The following QTRT2 variants were observed in gnomAD, a reference collection of about 807,000 sequenced individuals.
The protein encoded by QTRT2 is queuine tRNA-ribosyltransferase domain containing 1.
Under a neutral mutation model 44.8 loss-of-function variants are expected in QTRT2, and 32 were observed. The observed-to-expected ratio is 0.71, with a 90% CI of 0.54 to 0.96. QTRT2 has a LOEUF of 0.96. Ranked by LOEUF, QTRT2 falls within the 40% of genes least tolerant of loss-of-function variation. The pLI is 0.00. For missense variants in QTRT2, 461 were observed against 503.1 expected (o/e 0.92, Z 0.80); for synonymous variants, 182 against 187.4 (o/e 0.97, Z 0.24).
chr3:114,065,528 G>T, intron 3 of QTRT2, 71 bp downstream of exon 3: 1 of 1,171,926 alleles, frequency 8.5e-7, no homozygotes, highest in African/African-American at 1.6e-5. Context: ...GCAAAAAAGA[G>T]AAATATTTTT....
In QTRT2 at chr3:114,085,850, A is replaced by G. The variant is rs1361659163; in HGVS notation, c.1194A>G (p.Leu398=). ...TTTTCCATTACATCCGGGAAGCACT[A>G]AAAAGTGACAAACTGGCACAGTTGA... ...FGFFHYIREA[L]KSDKLAQLKE... Residue 398 remains leucine, a synonymous_variant, in exon 10 of 10, where the codon CTA becomes CTG. Transcript: ENST00000281273. The G allele has an allele frequency of 1.2e-6, 2 of 1,614,208 alleles. No individual in the cohort carries two copies. Among genetic ancestry groups the G allele is most frequent in the South Asian group, 1.1e-5 (1 of 91,082 alleles).
Position 114,085,692 on chromosome 3 carries a change from C to T in QTRT2, c.1036C>T (p.Pro346Ser), listed in dbSNP as rs1353055956. ...TCTTAGGTACCAGGAGGACTTTAAC[C>T]CGCTGGTGAGAGGATGTTCCTGTTA... ...KEKKYQEDFN[P>S]LVRGCSCYCC... The change falls in exon 10 of 10, where the codon CCG becomes TCG. Residue 346 changes from proline to serine, a missense_variant. Pro to Ser is a moderately conservative substitution (Grantham distance 74, BLOSUM62 -1). Transcript: ENST00000281273. 1.2e-6 allele frequency: 2 copies of T among 1,614,036 alleles called. No individual in the cohort carries two copies. Among genetic ancestry groups the T allele is most frequent in the Admixed American group, 3.3e-5 (2 of 59,998 alleles).
At chr3:114,079,792 T>G in intron 7 of QTRT2, 114 bp from the exon 8 acceptor site, 1 of 971,576 alleles carries the variant, frequency 1.0e-6, no homozygotes, top group Non-Finnish European at 1.6e-6. Flanking sequence ...ACTCTAACCA[T>G]GATTGGTGTT....
At position 114,070,830 on chromosome 3, in the gene QTRT2, G is replaced by A; in HGVS notation, c.538G>A (p.Glu180Lys). 4 of 1,613,598 alleles carry A rather than the reference G, an allele frequency of 2.5e-6. No individual in the cohort carries two copies. The highest frequency in any genetic ancestry group is 3.4e-6 in the Non-Finnish European group (4 of 1,179,874). ...GGATAACTGTCTGCGGCTGCAGGAA[G>A]AGTCAGAGGTAAGGCTGTGCCACTA... is the stretch of plus-strand genomic sequence containing the variant. Reference protein sequence around the residue: ...FLDNCLRLQEESEVLQKSVII... With the variant: ...FLDNCLRLQEKSEVLQKSVII... Residue 180 changes from glutamate to lysine, a missense_variant, in exon 6 of 10, where the codon GAG (glutamate) becomes AAG (lysine). Physicochemically the swap from Glu to Lys is moderately conservative, Grantham distance 56. Transcript: ENST00000281273.
rs1304756386 is a variant in QTRT2, at chr3:114,086,329, G to T, written c.*425G>T. 1 of 195,990 alleles carries T rather than the reference G, an allele frequency of 5.1e-6. No individual in the cohort carries two copies. Among genetic ancestry groups the T allele is most frequent in the Non-Finnish European group, 1.1e-5 (1 of 93,348 alleles). The allele number at this position is 195,990 out of a possible 1,614,324, so 12.1% of individuals were successfully genotyped here. On this transcript the variant is annotated 3_prime_UTR_variant, in exon 10 of 10. Transcript: ENST00000281273. ...GTTGATTTGAGAAGAAATCTGGCTG[G>T]TTTGAGGGTTTCCTTTAGTTCACCC... is the stretch of plus-strand genomic sequence containing the variant.
chr3:114,060,492 GTAGGTAGATAGATAGATAGA>G (rs1423605181), intron 2 of QTRT2, among the ~76,000 whole-genome samples: 16 of 137,076 alleles, frequency 1.2e-4, no homozygotes, highest in African/African-American at 2.5e-4. Context: ...AGGTAGGTAG[GTAGGTAGATAGATAGATAGA>G]TAGATAGATA....
At chr3:114,068,865 A>G (rs931949288) in intron 5 of QTRT2, among the ~76,000 whole-genome samples, 1 of 152,166 alleles carries the variant, frequency 6.6e-6, no homozygotes, top group East Asian at 1.9e-4. Context: ...CCTGTCCAAC[A>G]TGGCAAAACC....
At chr3:114,081,943 G>A (rs918818969) in intron 8 of QTRT2, among the ~76,000 whole-genome samples, 2 of 152,112 alleles carry the variant, frequency 1.3e-5, no homozygotes, top group Non-Finnish European at 2.9e-5. Flanking sequence ...ACTTGTCCCT[G>A]TTCCAGGCAG....
intron 6 of QTRT2, among the ~76,000 whole-genome samples, chr3:114,075,165 T>C (rs761604015): frequency 3.3e-5 from 5 of 152,242 alleles, no homozygotes; most frequent in Non-Finnish European, 5.9e-5. Flanking sequence ...TCAGGTTATG[T>C]ACGTACCATT....
At chr3:114,080,419 T>C (rs2077152372) in intron 8 of QTRT2, among the ~76,000 whole-genome samples, 1 of 152,270 alleles carries the variant, frequency 6.6e-6, no homozygotes, top group Admixed American at 6.5e-5. Flanking sequence ...TTTTTGTCTT[T>C]GCTTTGCAAA....
In QTRT2 at chr3:114,084,149, G is replaced by A. The variant is rs182096775; in HGVS notation, c.1016+1355G>A. ...ACGATCTTGGCTCACTGCAACCTCCGCCTCCTGGGTTCAGGCGATTCTCCT... is the reference window on the plus strand; with the variant it reads ...ACGATCTTGGCTCACTGCAACCTCCACCTCCTGGGTTCAGGCGATTCTCCT... On this transcript the variant is annotated intron_variant, in intron 9 of 9. Coordinates refer to ENST00000281273, the MANE Select transcript of QTRT2 (RefSeq NM_024638.4). Among the ~76,000 whole-genome samples the A allele has an allele frequency of 7.2e-3, 1,081 of 149,618 alleles. 9 individuals are homozygous for A. The highest frequency in any genetic ancestry group is 0.024 in the Middle Eastern group (7 of 290).
At chr3:114,067,004 A>C (rs2076962484) in intron 4 of QTRT2, among the ~76,000 whole-genome samples, 1 of 152,228 alleles carries the variant, frequency 6.6e-6, no homozygotes, top group Admixed American at 6.5e-5. Context: ...CTAGAACATC[A>C]GTTCTTCTAT....
chr3:114,066,873 G>A (rs761031345), intron 4 of QTRT2, among the ~76,000 whole-genome samples: 1 of 152,152 alleles, frequency 6.6e-6, no homozygotes, highest in South Asian at 2.1e-4. Context: ...TGCAGGGGAG[G>A]ATGAAGCGTT....
chr3:114,080,707 T>C (rs1042727180), intron 8 of QTRT2, among the ~76,000 whole-genome samples: 1 of 152,196 alleles, frequency 6.6e-6, no homozygotes, highest in Non-Finnish European at 1.5e-5. Flanking sequence ...TGCCCAGTCT[T>C]CCCTCTGGCC....
chr3:114,078,684 C>T (rs2077125245), intron 7 of QTRT2: 1 of 152,142 alleles, frequency 6.6e-6, no homozygotes. Flanking sequence ...TGGATTTTTT[C>T]AGATCCTGGA....
chr3:114,066,626 C>T (rs947040363), intron 4 of QTRT2: 54 of 172,882 alleles, frequency 3.1e-4, no homozygotes, highest in African/African-American at 1.1e-3. Flanking sequence ...GAATAAAAAA[C>T]GGATTCTTTT....
intron 5 of QTRT2, among the ~76,000 whole-genome samples, chr3:114,069,223 GAT>G (rs1199552569): frequency 2.0e-5 from 3 of 152,064 alleles, no homozygotes; most frequent in African/African-American, 7.2e-5. Flanking sequence ...GGTAACCAAA[GAT>G]AGAATTTTTT....
At chr3:114,073,084 T>G (rs997571349) in intron 6 of QTRT2, among the ~76,000 whole-genome samples, 2 of 152,150 alleles carry the variant, frequency 1.3e-5, no homozygotes, top group Admixed American at 1.3e-4. Flanking sequence ...ATGAAATAAT[T>G]AGAGGAAACA....
chr3:114,076,736 A>T lies in QTRT2; in HGVS notation c.547-7A>T, dbSNP rs748605553. The T allele has an allele frequency of 6.2e-7, 1 of 1,613,476 alleles. No homozygotes were observed. Among genetic ancestry groups the T allele is most frequent in the Non-Finnish European group, 8.5e-7 (1 of 1,179,408 alleles). On this transcript the variant is annotated splice_polypyrimidine_tract_variant and splice_region_variant and intron_variant, in intron 6 of 9. Coordinates refer to ENST00000281273, the MANE Select transcript of QTRT2 (RefSeq NM_024638.4). ...TGGTTAAAAACATATCATCCTTCTT[A>T]CCTCAGGTTCTTCAGAAGAGTGTGA...
Sources: allele counts gnomAD v4.1 joint callset (sites outside exome capture counted in the v4.1 genomes callset), GRCh38; gene constraint gnomAD v4.1.1; transcripts MANE v1.5; gene names NCBI Gene and HGNC (gene_info 2026-07-23, HGNC 2026-07-21).